Variants in TET2 observed in about 807,000 individuals in gnomAD.
The protein encoded by TET2 is methylcytosine dioxygenase TET2.
A neutral mutation model predicts 142.9 loss-of-function variants in TET2; 299 were observed. The observed-to-expected ratio is 2.09, with a 90% CI of 1.90 to 2.30. The LOEUF (loss-of-function observed/expected upper bound fraction) is 2.30. Ranked by LOEUF, TET2 falls within the 30% of genes most tolerant of loss-of-function variation. The pLI, the probability that TET2 is intolerant of heterozygous loss-of-function variation, is 0.00. For synonymous variants in TET2, 819 were observed against 849.0 expected, an observed-to-expected ratio of 0.96 and a Z score of 0.61; for missense variants, 2,418 against 2,378.0, an observed-to-expected ratio of 1.02 and a Z score of -0.35.
chr4:105,183,510 G>C (rs138552190), intron 1 of TET2, among the ~76,000 whole-genome samples: 1 of 151,890 alleles, frequency 6.6e-6, no homozygotes, highest in South Asian at 2.1e-4. Context: ...CTTAAAGCTG[G>C]GTTGGAACAG....
chr4:105,161,117 T>C (rs2110378158), intron 1 of TET2, among the ~76,000 whole-genome samples: 1 of 152,344 alleles, frequency 6.6e-6, no homozygotes, highest in South Asian at 2.1e-4. Context: ...AAATATTATC[T>C]GACCGAATCT....
intron 2 of TET2, among the ~76,000 whole-genome samples, chr4:105,210,357 A>G (rs1024000935): frequency 1.3e-5 from 2 of 152,122 alleles, no homozygotes; most frequent in African/African-American, 4.8e-5. Flanking sequence ...TACAATGTCA[A>G]AATTCTGGTG....
rs902777722 is a variant in TET2, at chr4:105,277,996, A to T, written c.*1477A>T. Reference sequence around the variant, plus strand: ...AAGATGAATAAACAGGGTTAGTTCCATGTGAATCTGTCAGTTAAAAAGAAA... The same window carrying T: ...AAGATGAATAAACAGGGTTAGTTCCTTGTGAATCTGTCAGTTAAAAAGAAA... On this transcript the variant is annotated 3_prime_UTR_variant, in exon 11 of 11. Transcript: ENST00000380013. 1 of 214,676 alleles carries T rather than the reference A, an allele frequency of 4.7e-6. No homozygotes were observed. The highest frequency in any genetic ancestry group is 9.4e-6 in the Non-Finnish European group (1 of 106,622). The allele number at this position is 214,676 out of a possible 1,614,324, so 13.3% of individuals were successfully genotyped here. A position where few individuals can be genotyped will look rare whatever the true frequency, so the allele number is the denominator to read the frequency against.
rs184084469 is a variant in TET2, at chr4:105,190,628, A to G, written c.-47+123A>G. The stretch of plus-strand genomic sequence containing the variant: ...TGCACCCTCTCAAATACTTTTCTTT[A>G]TTGTCTATGCTTAGGACACATGGAT... On this transcript the variant is annotated intron_variant, in intron 2 of 10. Transcript: ENST00000380013. 2,643 of 612,038 alleles carry G rather than the reference A, an allele frequency of 4.3e-3. 17 individuals are homozygous for G. The highest frequency in any genetic ancestry group is 6.3e-3 in the Admixed American group (227 of 35,876). The allele number at this position is 612,038 out of a possible 1,614,324, so 37.9% of individuals were successfully genotyped here. A position where few individuals can be genotyped will look rare whatever the true frequency, so the allele number is the denominator to read the frequency against.
intron 8 of TET2, among the ~76,000 whole-genome samples, chr4:105,262,829 C>T (rs571435754): frequency 4.0e-5 from 6 of 151,014 alleles, no homozygotes; most frequent in Admixed American, 2.0e-4. Context: ...TGCAGTGAGC[C>T]GAAGTCAAAC....
At chr4:105,191,265 T>G (rs577962149) in intron 2 of TET2, among the ~76,000 whole-genome samples, 2 of 152,318 alleles carry the variant, frequency 1.3e-5, no homozygotes, top group East Asian at 3.9e-4. Flanking sequence ...ATTATCTTAA[T>G]AAAAATCAAT....
chr4:105,150,180 T>C (rs1456354568), intron 1 of TET2, among the ~76,000 whole-genome samples: 1 of 152,218 alleles, frequency 6.6e-6, no homozygotes, highest in Non-Finnish European at 1.5e-5. Flanking sequence ...TAAATTCTTA[T>C]GAATTCTTAT....
At chr4:105,150,701 G>C (rs1315954083) in intron 1 of TET2, among the ~76,000 whole-genome samples, 1 of 152,162 alleles carries the variant, frequency 6.6e-6, no homozygotes, top group Non-Finnish European at 1.5e-5. Flanking sequence ...AAATGATTTT[G>C]CCAAATATAC....
Position 105,236,165 on chromosome 4 carries a change from C to G in TET2, c.2223C>G (p.Asn741Lys). The change falls in exon 3 of 11, where the codon AAC becomes AAG. Residue 741 changes from asparagine (N) to lysine (K), a missense_variant. Transcript: ENST00000380013. ...QPSQSSHLPQ[N>K]QQQQQKLQIK... The stretch of plus-strand genomic sequence containing the variant: ...CCCAGAGTTCACATCTCCCTCAAAA[C>G]CAGCAACAGCAGCAAAAATTACAAA... The G allele has an allele frequency of 6.2e-7, 1 of 1,614,078 alleles. No homozygotes were observed. The highest frequency in any genetic ancestry group is 8.5e-7 in the Non-Finnish European group (1 of 1,180,010).
intron 3 of TET2, 116 bp from the exon 4 acceptor site, chr4:105,241,222 AT>A: frequency 7.4e-7 from 1 of 1,345,086 alleles, no homozygotes; most frequent in Non-Finnish European, 9.6e-7. Flanking sequence ...AGAAAAAAAA[AT>A]TTTAAAGTCA....
At chr4:105,193,875 C>T (rs1467455816) in intron 2 of TET2, among the ~76,000 whole-genome samples, 2 of 152,020 alleles carry the variant, frequency 1.3e-5, no homozygotes, top group Admixed American at 6.6e-5. Context: ...GCATTAAATC[C>T]GTGTAATACT....
At chr4:105,264,527 T>C (rs1300045104) in intron 8 of TET2, among the ~76,000 whole-genome samples, 1 of 152,214 alleles carries the variant, frequency 6.6e-6, no homozygotes, top group Non-Finnish European at 1.5e-5. Context: ...TGAAACTATT[T>C]TATACATTTC....
chr4:105,167,857 G>C (rs915352350), intron 1 of TET2, among the ~76,000 whole-genome samples: 4 of 152,172 alleles, frequency 2.6e-5, no homozygotes, highest in Admixed American at 2.6e-4. Flanking sequence ...CTGCTTAACA[G>C]TCTTTAAAAA....
Position 105,239,818 on chromosome 4 carries a change from T to G in TET2, c.3410-1521T>G, listed in dbSNP as rs1226737205. 3 of 229,776 alleles carry G rather than the reference T, an allele frequency of 1.3e-5. No homozygotes were observed. The Admixed American group carries it at 1.7e-4, about 13-fold the overall frequency. The allele number at this position is 229,776 out of a possible 1,614,324, so 14.2% of individuals were successfully genotyped here. ...TTGGCTTTTGACATGCCTTCCTCAC[T>G]TAGCTCGTCATATCTAGCTTTTGAT... On this transcript the variant is annotated intron_variant, in intron 3 of 10. Transcript: ENST00000380013.
At chr4:105,200,574 T>C (rs1202139731) in intron 2 of TET2, among the ~76,000 whole-genome samples, 1 of 152,220 alleles carries the variant, frequency 6.6e-6, no homozygotes, top group Non-Finnish European at 1.5e-5. Context: ...GAATTTTTGC[T>C]ATGAACTGGA....
At chr4:105,265,326 G>T (rs1397264096) in intron 8 of TET2, among the ~76,000 whole-genome samples, 1 of 152,192 alleles carries the variant, frequency 6.6e-6, no homozygotes, top group Non-Finnish European at 1.5e-5. Flanking sequence ...GTGGATAATG[G>T]TTACCATAGT....
rs1478157080 is a variant in TET2 at position 105,234,124 on chromosome 4, A to G, written c.182A>G (p.Tyr61Cys). ...DTKWHSFKSY[Y>C]GIPCMKGSQN... ...AAGTGGCACTCTTTCAAAAGTTATT[A>G]TGGAATACCCTGTATGAAGGGAAGC... Residue 61 changes from tyrosine (Y) to cysteine (C), a missense_variant, in exon 3 of 11, where the codon TAT (tyrosine) becomes TGT (cysteine). Physicochemically the swap from Tyr to Cys is radical, Grantham distance 194 (BLOSUM62 -2). Transcript: ENST00000380013. 5.0e-6 allele frequency: 8 copies of G among 1,614,152 alleles called. No homozygotes were observed. Among genetic ancestry groups the G allele is most frequent in the Non-Finnish European group, 6.8e-6 (8 of 1,180,002 alleles).
chr4:105,271,949 G>T (rs189679116), intron 9 of TET2, among the ~76,000 whole-genome samples: 241 of 152,326 alleles, frequency 1.6e-3, no homozygotes, highest in African/African-American at 5.6e-3. Flanking sequence ...CAAAGGAGGA[G>T]AGACAAGAGA....
intron 2 of TET2, among the ~76,000 whole-genome samples, chr4:105,219,726 A>G (rs1407879283): frequency 6.6e-6 from 1 of 152,220 alleles, no homozygotes; most frequent in East Asian, 1.9e-4. Flanking sequence ...AGAATTATGC[A>G]TTGATTAAGA....
Sources: allele counts gnomAD v4.1 joint callset (sites outside exome capture counted in the v4.1 genomes callset), GRCh38; gene constraint gnomAD v4.1.1; transcripts MANE v1.5; gene names NCBI Gene and HGNC (gene_info 2026-07-23, HGNC 2026-07-21).